Variants in SLC30A10 observed in about 807,000 individuals in gnomAD.
SLC30A10 encodes calcium/manganese antiporter SLC30A10.
In SLC30A10, 8 loss-of-function variants were observed where a neutral mutation model predicts 21.7. The ratio of observed to expected loss-of-function variants is 0.37; its 90% CI spans 0.22 to 0.67. SLC30A10 has a LOEUF of 0.67. Ranked by LOEUF, SLC30A10 falls within the 30% of genes least tolerant of loss-of-function variation. SLC30A10 has a pLI of 0.58. For missense variants in SLC30A10, 521 were observed against 642.5 expected (o/e 0.81, Z 2.04); for synonymous variants, 272 against 279.4 (o/e 0.97, Z 0.26).
intron 1 of SLC30A10, among the ~76,000 whole-genome samples, chr1:219,934,430 T>C (rs1660019661): frequency 1.3e-5 from 2 of 151,266 alleles, no homozygotes; most frequent in Non-Finnish European, 1.5e-5. Context: ...GTCATTGCAC[T>C]CCAGCCTGGG....
At chr1:219,948,788 T>C (rs1371713442) in intron 1 of SLC30A10, among the ~76,000 whole-genome samples, 7 of 152,070 alleles carry the variant, frequency 4.6e-5, no homozygotes, top group Admixed American at 6.5e-5. Context: ...AAAGAGCTTC[T>C]GCACCGCAAA....
chr1:219,942,105 C>T (rs1660131109), intron 1 of SLC30A10, among the ~76,000 whole-genome samples: 2 of 152,208 alleles, frequency 1.3e-5, no homozygotes, highest in Admixed American at 1.3e-4. Context: ...CTAAATTTTC[C>T]TATAACTGTT....
At chr1:219,941,068 C>G (rs1660114411) in intron 1 of SLC30A10, among the ~76,000 whole-genome samples, 1 of 152,208 alleles carries the variant, frequency 6.6e-6, no homozygotes, top group Non-Finnish European at 1.5e-5. Flanking sequence ...AAAAGACCAG[C>G]TTACGAACTT....
chr1:219,928,390 G>T lies in SLC30A10; in HGVS notation c.51C>A (p.Leu17=). 1 of 1,613,438 alleles carries T rather than the reference G, an allele frequency of 6.2e-7. No homozygotes were observed. Among genetic ancestry groups the T allele is most frequent in the Non-Finnish European group, 8.5e-7 (1 of 1,179,700 alleles). ...GCTCCGCCACGAAGAAGGCGACGGT[G>T]AGCACCAGCATGAAGAGCAGCCGGC... ...KTCRLLFMLV[L]TVAFFVAELV... The change falls in exon 1 of 4, where the codon CTC becomes CTA. Residue 17 remains leucine, a synonymous_variant. Transcript: ENST00000366926. This position sits in a 1 kb window ranked among gnomAD's most constrained non-coding sequence, Gnocchi z 6.3.
upstream of SLC30A10, among the ~76,000 whole-genome samples, chr1:219,929,730 C>T (rs1174762099): frequency 6.6e-6 from 1 of 152,144 alleles, no homozygotes; most frequent in Non-Finnish European, 1.5e-5. Context: ...CCATGTTGGC[C>T]AGGCTGGTCT....
intron 1 of SLC30A10, among the ~76,000 whole-genome samples, chr1:219,940,205 T>A (rs750876246): frequency 1.3e-5 from 2 of 152,194 alleles, no homozygotes; most frequent in Non-Finnish European, 2.9e-5. Flanking sequence ...CCACACCCAA[T>A]GTCCTGAGAC....
chr1:219,922,193 T>G (rs1482002755), intron 2 of SLC30A10, among the ~76,000 whole-genome samples: 1,932 of 21,694 alleles, frequency 0.089, 276 homozygotes, highest in African/African-American at 0.19. Context: ...TTTTTTTTTT[T>G]TTTTTTTTTT....
rs761679725 is a variant in SLC30A10 at position 219,928,021 on chromosome 1, C to G, written c.420G>C (p.Trp140Cys). Residue 140 changes from tryptophan (W) to cysteine (C), a missense_variant, in exon 1 of 4, where the codon TGG becomes TGC. Transcript: ENST00000366926. This position sits in a 1 kb window ranked among gnomAD's most constrained non-coding sequence, Gnocchi z 6.3. ...TGCGTCCCCGGAGGCAGCACGCGAACCAGGCGGCGCAGTCCTGGAAGATGA... is the reference window on the plus strand; with the variant it reads ...TGCGTCCCCGGAGGCAGCACGCGAAGCAGGCGGCGCAGTCCTGGAAGATGA... Reference protein sequence around the residue: ...GLLIFQDCAAWFACCLRGRSR... With the variant: ...GLLIFQDCAACFACCLRGRSR... 6.4e-7 allele frequency: 1 copy of G among 1,573,702 alleles called. No homozygotes were observed. The highest frequency in any genetic ancestry group is 8.6e-7 in the Non-Finnish European group (1 of 1,161,460).
chr1:219,951,476 C>T (rs1289798561), intron 1 of SLC30A10, among the ~76,000 whole-genome samples: 1 of 151,610 alleles, frequency 6.6e-6, no homozygotes, highest in Non-Finnish European at 1.5e-5. Flanking sequence ...AATCCCAGCA[C>T]TTTGGGAGGC....
chr1:219,933,817 T>C (rs1660003406), intron 1 of SLC30A10, among the ~76,000 whole-genome samples: 1 of 152,230 alleles, frequency 6.6e-6, no homozygotes, highest in South Asian at 2.1e-4. Flanking sequence ...GTGAAGTTTA[T>C]GAAGACATAA....
In SLC30A10 at chr1:219,919,000, G is replaced by A. The variant is rs1251985978; in HGVS notation, c.719-506C>T. On this transcript the variant is annotated intron_variant, in intron 2 of 3. Transcript: ENST00000366926. The surrounding 1 kb of genome is among the most constrained non-coding windows in gnomAD (Gnocchi z 4.4). ...CATTTACCTACTTTGTATTTAGTCT[G>A]TGGTCATTTAAATGGCATTTGGTTT... 8 of 152,320 alleles carry A rather than the reference G, an allele frequency of 5.3e-5. No homozygotes were observed. Among genetic ancestry groups the A allele is most frequent in the Admixed American group, 5.2e-4 (8 of 15,282 alleles). The allele number at this position is 152,320 out of a possible 1,614,324, so 9.4% of individuals were successfully genotyped here.
At chr1:219,926,840 C>T (rs1018724464) in intron 2 of SLC30A10, among the ~76,000 whole-genome samples, 188 bp downstream of exon 2, 4 of 152,154 alleles carry the variant, frequency 2.6e-5, no homozygotes, top group African/African-American at 9.7e-5. Context: ...TAAGATAAAT[C>T]ATTAGCAACC....
chr1:219,912,798 C>T lies in SLC30A10; in HGVS notation c.*2651G>A, dbSNP rs1173331917. Among the ~76,000 whole-genome samples the T allele has an allele frequency of 6.6e-6, 1 of 152,012 alleles. No homozygotes were observed. Among genetic ancestry groups the T allele is most frequent in the African/African-American group, 2.4e-5 (1 of 41,374 alleles). On this transcript the variant is annotated 3_prime_UTR_variant, in exon 4 of 4. Transcript: ENST00000366926. The stretch of plus-strand genomic sequence containing the variant: ...GCAGTGAGCCGAGATAGCACCACTG[C>T]ACTCCAGCCTGGGCGACAGAGCAAG...
In SLC30A10 at chr1:219,947,439, G is replaced by A. The variant is rs1182130283; in HGVS notation, n.80+11129C>T. ...TCTTGGCTACTTAAGAGGCTGAGAT[G>A]GGAGGATCGCTTGAGCCTGGGAGGT... On this transcript the variant is annotated intron_variant and non_coding_transcript_variant, in intron 1 of 8. Coordinates refer to the SLC30A10 transcript ENST00000484239. 2.0e-5 allele frequency among the ~76,000 whole-genome samples: 3 copies of A among 152,216 alleles called. No individual in the cohort carries two copies. In the East Asian group the frequency reaches 5.8e-4, roughly 29 times the overall value.
At chr1:219,925,547 A>C (rs1659793641) in intron 2 of SLC30A10, among the ~76,000 whole-genome samples, 1 of 150,274 alleles carries the variant, frequency 6.7e-6, no homozygotes. Flanking sequence ...GAAGAAAAAA[A>C]ATGAGGATAC....
chr1:219,912,342 T>A lies in SLC30A10; in HGVS notation c.*3107A>T, dbSNP rs546781551. Reference sequence around the variant, plus strand: ...TAATGGCCCAATATCATGAAAAAAATTAATTATATTTTCAAAAACAATGTT... The same window carrying A: ...TAATGGCCCAATATCATGAAAAAAAATAATTATATTTTCAAAAACAATGTT... On this transcript the variant is annotated 3_prime_UTR_variant, in exon 4 of 4. Transcript: ENST00000366926. Among the ~76,000 whole-genome samples, 24 of 151,922 alleles carry A rather than the reference T, an allele frequency of 1.6e-4. No individual in the cohort carries two copies. The East Asian group carries it at 3.3e-3, about 21-fold the overall frequency.
Position 219,917,801 on chromosome 1 carries a change from C to T in SLC30A10, c.958+454G>A, listed in dbSNP as rs192355776. Among the ~76,000 whole-genome samples, 112 of 151,380 alleles carry T rather than the reference C, an allele frequency of 7.4e-4. No homozygotes were observed. The Middle Eastern group carries it at 0.014, about 18-fold the overall frequency. ...TCTCAGCTCCCTGCAACCTCCGCCTCCCGGGTTCAAGCGATTCTCCTGCCT... is the reference window on the plus strand; with the variant it reads ...TCTCAGCTCCCTGCAACCTCCGCCTTCCGGGTTCAAGCGATTCTCCTGCCT... On this transcript the variant is annotated intron_variant, in intron 3 of 3. Coordinates refer to ENST00000366926, the MANE Select transcript of SLC30A10 (RefSeq NM_018713.3).
rs932187956 is a variant in SLC30A10 at position 219,954,696 on chromosome 1, A to C, written n.80+3872T>G. On this transcript the variant is annotated intron_variant and non_coding_transcript_variant, in intron 1 of 8. Coordinates refer to the SLC30A10 transcript ENST00000484239. ...ACTCCATCTCAAAAAAAAAAAAAAA[A>C]AAAAAAAACTTAAATTCAAAGGAAA... Among the ~76,000 whole-genome samples the C allele has an allele frequency of 3.3e-5, 5 of 151,956 alleles. No homozygotes were observed. In the East Asian group the frequency reaches 5.8e-4, roughly 18 times the overall value.
chr1:219,927,841 C>T lies in SLC30A10; in HGVS notation c.600G>A (p.Arg200=), dbSNP rs533879911. The change falls in exon 1 of 4, where the codon AGG becomes AGA. Residue 200 remains arginine, a synonymous_variant. Coordinates refer to ENST00000366926, the MANE Select transcript of SLC30A10 (RefSeq NM_018713.3). ...ACACGGTCGCCCCCTTCTCCCGCTT[C>T]CTTTCCACCGAGGTCCCCCGGAGGG... ...AVTLRGTSVE[R]KREKGATVFA... is the part of the protein sequence containing the mutation. The T allele has an allele frequency of 3.2e-6, 5 of 1,548,558 alleles. No individual in the cohort carries two copies. In the South Asian group the frequency reaches 4.8e-5, roughly 15 times the overall value.
Sources: allele counts gnomAD v4.1 joint callset (sites outside exome capture counted in the v4.1 genomes callset), GRCh38; gene constraint gnomAD v4.1.1; non-coding constraint Gnocchi (gnomAD v3.1); transcripts MANE v1.5; gene names NCBI Gene and HGNC (gene_info 2026-07-23, HGNC 2026-07-21).